The following TNFSF4 variants were observed in gnomAD, a reference collection of about 807,000 sequenced individuals.
TNFSF4 encodes the protein tumor necrosis factor ligand superfamily member 4.
Under a neutral mutation model 7.3 loss-of-function variants are expected in TNFSF4, and 4 were observed. The observed-to-expected ratio is 0.55, with a 90% CI of 0.27 to 1.25. The LOEUF (loss-of-function observed/expected upper bound fraction) is 1.25, where lower values mean the gene tolerates loss of function less well. Ranked by LOEUF, TNFSF4 falls within the 50% of genes most tolerant of loss-of-function variation. The pLI is 0.12. For missense variants in TNFSF4, 181 were observed against 208.8 expected (o/e 0.87, Z 0.82); for synonymous variants, 76 against 83.7 (o/e 0.91, Z 0.50).
At chr1:173,359,679 C>T in the TNFSF4 span, among the ~76,000 whole-genome samples, 2 of 151,968 alleles carry the variant, frequency 1.3e-5, no homozygotes, top group African/African-American at 4.8e-5. Context: ...TTCCTTCATG[C>T]TTCCTTCTTA....
chr1:173,343,018 T>A, the TNFSF4 span, among the ~76,000 whole-genome samples: 1 of 152,180 alleles, frequency 6.6e-6, no homozygotes, highest in African/African-American at 2.4e-5. Flanking sequence ...CAATAAGGGA[T>A]CTCAGAAGGA....
chr1:173,395,037 TG>T, the TNFSF4 span, among the ~76,000 whole-genome samples: 9 of 94,068 alleles, frequency 9.6e-5, no homozygotes, highest in Non-Finnish European at 1.7e-4. Context: ...GATAGATAGA[TG>T]ATAGATAGAT....
chr1:173,199,415 A>C (rs1229824343), intron 1 of TNFSF4, among the ~76,000 whole-genome samples: 1 of 152,204 alleles, frequency 6.6e-6, no homozygotes, highest in Non-Finnish European at 1.5e-5. Flanking sequence ...CCTAAATCTA[A>C]TATGACTGGT....
the TNFSF4 span, among the ~76,000 whole-genome samples, chr1:173,294,248 A>T: frequency 6.6e-6 from 1 of 152,130 alleles, no homozygotes; most frequent in African/African-American, 2.4e-5. Flanking sequence ...TGTGGTATAT[A>T]TACAAATAGA....
the TNFSF4 span, among the ~76,000 whole-genome samples, chr1:173,215,319 G>C: frequency 6.6e-6 from 1 of 152,132 alleles, no homozygotes; most frequent in East Asian, 1.9e-4. Context: ...GTGTCTTATG[G>C]CAGCCCAAGC....
chr1:173,371,601 G>A, the TNFSF4 span, among the ~76,000 whole-genome samples: 1 of 152,076 alleles, frequency 6.6e-6, no homozygotes, highest in Non-Finnish European at 1.5e-5. Context: ...AAAAGTTCAA[G>A]CCTTAGTAAT....
chr1:173,350,055 T>G, the TNFSF4 span, among the ~76,000 whole-genome samples: 22 of 152,210 alleles, frequency 1.4e-4, no homozygotes, highest in Admixed American at 6.5e-4. Context: ...TATATTTACC[T>G]AAGTTATAAA....
At chr1:173,441,954 A>G in the TNFSF4 span, 1 of 152,252 alleles carries the variant, frequency 6.6e-6, no homozygotes, top group Non-Finnish European at 1.5e-5. Flanking sequence ...CATCTTTCAC[A>G]TGAGGTGGCT....
At chr1:173,315,755 G>C in the TNFSF4 span, among the ~76,000 whole-genome samples, 1 of 152,068 alleles carries the variant, frequency 6.6e-6, no homozygotes, top group Admixed American at 6.5e-5. Flanking sequence ...TTATTTTGTT[G>C]CTGTTGAGTT....
the TNFSF4 span, among the ~76,000 whole-genome samples, chr1:173,344,824 C>T: frequency 1.3e-5 from 2 of 152,188 alleles, no homozygotes; most frequent in African/African-American, 4.8e-5. Context: ...AAGTTTTATA[C>T]AAACTTCCAA....
chr1:173,233,026 T>A, the TNFSF4 span, among the ~76,000 whole-genome samples: 1 of 152,140 alleles, frequency 6.6e-6, no homozygotes, highest in Non-Finnish European at 1.5e-5. Context: ...TGATCAAACT[T>A]CTCCGAGCTA....
At chr1:173,210,914 C>G (rs1284880899), upstream of TNFSF4, among the ~76,000 whole-genome samples, 2 of 152,114 alleles carry the variant, frequency 1.3e-5, no homozygotes, top group Non-Finnish European at 2.9e-5. Flanking sequence ...GTTTATCATC[C>G]CACAAAGGTG....
the TNFSF4 span, among the ~76,000 whole-genome samples, chr1:173,318,813 C>T: frequency 6.6e-6 from 1 of 152,200 alleles, no homozygotes; most frequent in Non-Finnish European, 1.5e-5. Flanking sequence ...CCCAGCCAGA[C>T]CAATGCAGAA....
At chr1:173,304,764 A>G in the TNFSF4 span, among the ~76,000 whole-genome samples, 1 of 151,982 alleles carries the variant, frequency 6.6e-6, no homozygotes, top group Non-Finnish European at 1.5e-5. Context: ...CCTCAGAGCA[A>G]GCAATCTGGG....
the TNFSF4 span, among the ~76,000 whole-genome samples, chr1:173,398,384 C>T: frequency 6.8e-6 from 1 of 147,954 alleles, no homozygotes; most frequent in African/African-American, 2.5e-5. Flanking sequence ...ATTCAAGGGC[C>T]TTCTACCTCA....
the TNFSF4 span, among the ~76,000 whole-genome samples, chr1:173,421,842 G>A: frequency 5.9e-5 from 9 of 152,120 alleles, no homozygotes; most frequent in Admixed American, 3.3e-4. Context: ...TTAGAACTAC[G>A]CATAAAGAAA....
At chr1:173,446,392 CAT>C in the TNFSF4 span, among the ~76,000 whole-genome samples, 1 of 152,268 alleles carries the variant, frequency 6.6e-6, no homozygotes, top group East Asian at 1.9e-4. Flanking sequence ...CATGGATGTA[CAT>C]AGTGACTTTA....
chr1:173,277,934 G>A, the TNFSF4 span, among the ~76,000 whole-genome samples: 1 of 152,088 alleles, frequency 6.6e-6, no homozygotes, highest in East Asian at 1.9e-4. Flanking sequence ...GTATAGGAGG[G>A]AGGATTACAC....
chr1:173,232,066 C>T, the TNFSF4 span, among the ~76,000 whole-genome samples: 56 of 152,212 alleles, frequency 3.7e-4, 2 homozygotes, highest in South Asian at 0.011. Context: ...GGCAGTATGG[C>T]CATTTTCATG....
Sources: gnomAD v4.1 joint callset for allele counts (sites outside exome capture counted in the v4.1 genomes callset) on GRCh38, gnomAD v4.1.1 for gene constraint, MANE v1.5 for transcripts, NCBI Gene and HGNC (gene_info 2026-07-23, HGNC 2026-07-21) for gene names.